KIF6: variants seen among roughly 807,000 people sequenced by gnomAD.
KIF6 encodes the protein kinesin-like protein KIF6.
In KIF6, 106 loss-of-function variants were observed where a neutral mutation model predicts 112.7. That is an observed-to-expected ratio of 0.94 (90% confidence interval 0.80 to 1.11). The LOEUF (loss-of-function observed/expected upper bound fraction) is 1.11. Among genes scored for constraint, KIF6 ranks in the 50% least tolerant of loss-of-function variants. KIF6 has a pLI of 0.00. For missense variants in KIF6, 929 were observed against 964.0 expected, an observed-to-expected ratio of 0.96 and a Z score of 0.48; for synonymous variants, 339 against 339.9, an observed-to-expected ratio of 1.00 and a Z score of 0.03.
intron 3 of KIF6, among the ~76,000 whole-genome samples, chr6:39,712,744 T>C (rs1037677907): frequency 2.0e-5 from 3 of 151,924 alleles, no homozygotes; most frequent in Non-Finnish European, 2.9e-5. Flanking sequence ...TAGGTGGGAA[T>C]TGAACAATGA....
At chr6:39,377,605 G>A (rs917824923) in intron 16 of KIF6, among the ~76,000 whole-genome samples, 3 of 152,146 alleles carry the variant, frequency 2.0e-5, no homozygotes, top group Non-Finnish European at 4.4e-5. Context: ...ATCAACAGCC[G>A]AGGCCTGTCT....
intron 8 of KIF6, among the ~76,000 whole-genome samples, chr6:39,585,300 C>G (rs1781563039): frequency 6.6e-6 from 1 of 152,260 alleles, no homozygotes; most frequent in East Asian, 1.9e-4. Flanking sequence ...AGCGGGCAAC[C>G]TAGATCCCTC....
intron 13 of KIF6, among the ~76,000 whole-genome samples, chr6:39,487,314 C>T (rs1371000090): frequency 6.6e-6 from 1 of 152,140 alleles, no homozygotes; most frequent in Admixed American, 6.5e-5. Flanking sequence ...TGCTGCTGGC[C>T]CACAGATGTC....
chr6:39,356,280 T>G (rs1764681242), intron 19 of KIF6, among the ~76,000 whole-genome samples: 1 of 152,086 alleles, frequency 6.6e-6, no homozygotes, highest in Non-Finnish European at 1.5e-5. Flanking sequence ...TTCTTCTTTT[T>G]TTTTTTTGAG....
intron 3 of KIF6, among the ~76,000 whole-genome samples, chr6:39,665,120 C>T (rs904183586): frequency 1.3e-5 from 2 of 151,974 alleles, no homozygotes; most frequent in Non-Finnish European, 2.9e-5. Flanking sequence ...TTGCATGCAC[C>T]CAGCTTTATA....
At chr6:39,710,993 C>T (rs1582504229) in intron 3 of KIF6, among the ~76,000 whole-genome samples, 1 of 150,838 alleles carries the variant, frequency 6.6e-6, no homozygotes, top group Admixed American at 6.6e-5. Flanking sequence ...TGCCACTGCA[C>T]TCCAGCCTGG....
chr6:39,535,390 A>C (rs1778360356), intron 13 of KIF6, among the ~76,000 whole-genome samples: 1 of 151,976 alleles, frequency 6.6e-6, no homozygotes, highest in Non-Finnish European at 1.5e-5. Context: ...AATGGAAAAC[A>C]AAAAAAGGCA....
intron 16 of KIF6, among the ~76,000 whole-genome samples, chr6:39,374,419 A>T (rs1316591527): frequency 6.6e-6 from 1 of 152,200 alleles, no homozygotes; most frequent in African/African-American, 2.4e-5. Context: ...CAAAGGAAAC[A>T]ATCAACAGAC....
At position 39,709,696 on chromosome 6, in the gene KIF6, C is replaced by A. The variant is rs566473680; in HGVS notation, c.251+4996G>T. Among the ~76,000 whole-genome samples the A allele has an allele frequency of 2.0e-5, 3 of 152,296 alleles. No homozygotes were observed. The East Asian group carries it at 5.8e-4, about 29-fold the overall frequency. ...GATTAGTTTTATTTAGCCTTAATTG[C>A]ATACAGTAACCAGAATTAAGTTACC... On this transcript the variant is annotated intron_variant, in intron 3 of 22. Coordinates refer to ENST00000287152, the MANE Select transcript of KIF6 (RefSeq NM_145027.6).
chr6:39,629,127 A>C (rs1784234963), intron 5 of KIF6, among the ~76,000 whole-genome samples: 1 of 152,066 alleles, frequency 6.6e-6, no homozygotes, highest in South Asian at 2.1e-4. Context: ...TAAGACTGCT[A>C]TATGTATTTG....
intron 13 of KIF6, among the ~76,000 whole-genome samples, chr6:39,514,530 C>A (rs2150515012): frequency 6.6e-6 from 1 of 152,286 alleles, no homozygotes; most frequent in Admixed American, 6.5e-5. Flanking sequence ...TACATACATA[C>A]ATGTACATAA....
intron 13 of KIF6, among the ~76,000 whole-genome samples, chr6:39,529,792 A>T (rs1777939554): frequency 6.6e-6 from 1 of 152,220 alleles, no homozygotes; most frequent in Non-Finnish European, 1.5e-5. Context: ...GTCTCAAAAA[A>T]AAAAGGGTGA....
At chr6:39,371,646 C>T (rs541713956) in intron 16 of KIF6, among the ~76,000 whole-genome samples, 1 of 151,690 alleles carries the variant, frequency 6.6e-6, no homozygotes, top group South Asian at 2.1e-4. Context: ...GGTGCTCTCC[C>T]TTGCAGTTTC....
At chr6:39,685,421 G>A (rs767941447) in intron 3 of KIF6, among the ~76,000 whole-genome samples, 11 of 152,174 alleles carry the variant, frequency 7.2e-5, no homozygotes, top group African/African-American at 1.2e-4. Context: ...TTTACTCAGC[G>A]AAGTATGAGG....
rs1781073423 is a variant in KIF6 at position 39,578,096 on chromosome 6, C to T, written c.1141G>A (p.Glu381Lys). The T allele has an allele frequency of 6.2e-7, 1 of 1,613,908 alleles. No homozygotes were observed. Among genetic ancestry groups the T allele is most frequent in the South Asian group, 1.1e-5 (1 of 91,078 alleles). ...LKDELAMVTG[E>K]QRTEALTEAE... ...TCTGTGAGTGCCTCTGTCCTCTGCT[C>T]CCCAGTGACCATGGCCAGTTCATCC... Residue 381 changes from glutamate to lysine, a missense_variant, in exon 10 of 23, where the codon GAG becomes AAG. By Grantham distance (56) the Glu-to-Lys change is moderately conservative. Coordinates refer to ENST00000287152, the MANE Select transcript of KIF6 (RefSeq NM_145027.6).
intron 3 of KIF6, among the ~76,000 whole-genome samples, chr6:39,657,929 C>A (rs997624349): frequency 7.5e-6 from 1 of 134,026 alleles, no homozygotes; most frequent in Non-Finnish European, 1.8e-5. Context: ...ACCCTACAAT[C>A]ACTTTTACAG....
At chr6:39,649,893 C>T (rs1334865296) in intron 3 of KIF6, among the ~76,000 whole-genome samples, 3 of 152,320 alleles carry the variant, frequency 2.0e-5, no homozygotes, top group Non-Finnish European at 2.9e-5. Flanking sequence ...GTTCACATTT[C>T]GTGTGTGATA....
chr6:39,351,256 G>C (rs1331094139), intron 19 of KIF6, among the ~76,000 whole-genome samples: 1 of 148,452 alleles, frequency 6.7e-6, no homozygotes, highest in Non-Finnish European at 1.5e-5. Context: ...TTCAGACAGG[G>C]TCTCGCTCTG....
At chr6:39,594,440 A>G (rs1236306913) in intron 7 of KIF6, among the ~76,000 whole-genome samples, 1 of 152,224 alleles carries the variant, frequency 6.6e-6, no homozygotes, top group Non-Finnish European at 1.5e-5. Flanking sequence ...CTATTAAGTA[A>G]AAAGCTCTGT....
Sources: allele counts gnomAD v4.1 joint callset (sites outside exome capture counted in the v4.1 genomes callset), GRCh38; gene constraint gnomAD v4.1.1; transcripts MANE v1.5; gene names NCBI Gene and HGNC (gene_info 2026-07-23, HGNC 2026-07-21).